CLSTN2: variants seen among roughly 807,000 people sequenced by gnomAD.
The protein encoded by CLSTN2 is calsyntenin-2.
CLSTN2 carries 48 observed loss-of-function variants against 101.2 expected under a neutral mutation model. The observed-to-expected ratio is 0.47, with a 90% CI of 0.38 to 0.60. CLSTN2 has a LOEUF of 0.60. Ranked by LOEUF, CLSTN2 falls within the 20% of genes least tolerant of loss-of-function variation. CLSTN2 has a pLI of 0.00. For synonymous variants in CLSTN2, 481 were observed against 463.6 expected, an observed-to-expected ratio of 1.04 and a Z score of -0.48; for missense variants, 1,160 against 1,238.2, an observed-to-expected ratio of 0.94 and a Z score of 0.95.
At chr3:140,216,200 C>T (rs766784884) in intron 2 of CLSTN2, among the ~76,000 whole-genome samples, 3 of 152,128 alleles carry the variant, frequency 2.0e-5, no homozygotes, top group Admixed American at 6.5e-5. Context: ...TGTTTCATCC[C>T]GAAACAACCC....
intron 1 of CLSTN2, among the ~76,000 whole-genome samples, chr3:139,968,649 A>G (rs1010265435): frequency 2.0e-5 from 3 of 152,192 alleles, no homozygotes; most frequent in African/African-American, 7.2e-5. Context: ...TACATTACCC[A>G]GTTTGTGGTA....
At position 140,567,510 on chromosome 3, in the gene CLSTN2, A is replaced by T. The variant is rs1985324500; in HGVS notation, c.*1257A>T. On this transcript the variant is annotated 3_prime_UTR_variant, in exon 17 of 17. Coordinates refer to ENST00000458420, the MANE Select transcript of CLSTN2 (RefSeq NM_022131.3). ...TAATTTCTTTCTTTTTTTGATAAGG[A>T]AATCTTTTCCATCTCCATCCTAACA... is the stretch of plus-strand genomic sequence containing the variant. 1 of 152,202 alleles carries T rather than the reference A, an allele frequency of 6.6e-6. No individual in the cohort carries two copies. The allele number at this position is 152,202 out of a possible 1,614,324, so 9.4% of individuals were successfully genotyped here.
At chr3:140,062,465 C>A (rs1576413923) in intron 1 of CLSTN2, among the ~76,000 whole-genome samples, 3 of 152,180 alleles carry the variant, frequency 2.0e-5, no homozygotes, top group Non-Finnish European at 4.4e-5. Context: ...GCCTCCTCAC[C>A]CTTTTGTGTG....
intron 2 of CLSTN2, among the ~76,000 whole-genome samples, chr3:140,239,020 T>G (rs1242883078): frequency 6.6e-6 from 1 of 152,094 alleles, no homozygotes; most frequent in Non-Finnish European, 1.5e-5. Flanking sequence ...AAGTGACACA[T>G]GGAAATAATA....
intron 2 of CLSTN2, among the ~76,000 whole-genome samples, chr3:140,177,578 C>T (rs1407320280): frequency 6.6e-6 from 1 of 151,992 alleles, no homozygotes; most frequent in Non-Finnish European, 1.5e-5. Flanking sequence ...TCATTTGAGG[C>T]CAGAAGTTCA....
intron 1 of CLSTN2, among the ~76,000 whole-genome samples, chr3:140,026,868 C>A (rs899152922): frequency 6.6e-6 from 1 of 152,206 alleles, no homozygotes; most frequent in Non-Finnish European, 1.5e-5. Context: ...CTGGGGTGGT[C>A]ACTTTTCCTC....
intron 5 of CLSTN2, among the ~76,000 whole-genome samples, chr3:140,430,756 C>T (rs1362246521): frequency 6.6e-6 from 1 of 152,128 alleles, no homozygotes; most frequent in East Asian, 1.9e-4. Context: ...TGTAACAGTC[C>T]AAAGCAAAGT....
chr3:140,458,341 A>C (rs933288296), intron 6 of CLSTN2, among the ~76,000 whole-genome samples: 1 of 152,034 alleles, frequency 6.6e-6, no homozygotes, highest in Admixed American at 6.6e-5. Context: ...CCATATGAGG[A>C]AACAGCCCCC....
chr3:140,334,687 C>T (rs1045919637), intron 2 of CLSTN2, among the ~76,000 whole-genome samples: 2 of 152,150 alleles, frequency 1.3e-5, no homozygotes, highest in African/African-American at 4.8e-5. Context: ...ACTAATTTAT[C>T]CCAGAGCAAT....
intron 2 of CLSTN2, among the ~76,000 whole-genome samples, chr3:140,375,178 C>G (rs1227052486): frequency 6.6e-6 from 1 of 152,150 alleles, no homozygotes; most frequent in Non-Finnish European, 1.5e-5. Context: ...GTTGAGAGGA[C>G]CAGATGATCT....
At chr3:140,101,760 T>A (rs1296204843) in intron 1 of CLSTN2, among the ~76,000 whole-genome samples, 1 of 152,186 alleles carries the variant, frequency 6.6e-6, no homozygotes, top group Middle Eastern at 3.2e-3. Context: ...ATCTTATAAC[T>A]ATGTCATCTG....
At chr3:139,975,534 T>G (rs951907051) in intron 1 of CLSTN2, among the ~76,000 whole-genome samples, 1 of 152,172 alleles carries the variant, frequency 6.6e-6, no homozygotes, top group African/African-American at 2.4e-5. Context: ...GAGAGGCTGA[T>G]GGAGGCATCA....
Position 140,376,852 on chromosome 3 carries a change from T to C in CLSTN2, c.233-26777T>C, listed in dbSNP as rs117880414. On this transcript the variant is annotated intron_variant, in intron 2 of 16. Coordinates refer to ENST00000458420, the MANE Select transcript of CLSTN2 (RefSeq NM_022131.3). ...GTATTGTTCTTCTATCAGTTTGTCT[T>C]GATGAAGTCTTAAAGTGAGCAAGAG... is the stretch of plus-strand genomic sequence containing the variant. Among the ~76,000 whole-genome samples, 19 of 152,312 alleles carry C rather than the reference T, an allele frequency of 1.2e-4. No homozygotes were observed. In the East Asian group the frequency reaches 3.5e-3, roughly 28 times the overall value.
intron 1 of CLSTN2, among the ~76,000 whole-genome samples, chr3:140,063,692 T>C (rs1388463918): frequency 6.6e-6 from 1 of 152,192 alleles, no homozygotes; most frequent in Non-Finnish European, 1.5e-5. Context: ...TCCTCTGACA[T>C]AGGAATGTCT....
At chr3:139,955,370 C>T (rs1935374588) in intron 1 of CLSTN2, among the ~76,000 whole-genome samples, 1 of 151,790 alleles carries the variant, frequency 6.6e-6, no homozygotes, top group South Asian at 2.1e-4. Context: ...TGCAGTAAGC[C>T]TGAGGATATA....
chr3:140,088,492 A>G (rs928274630), intron 1 of CLSTN2, among the ~76,000 whole-genome samples: 2 of 112,296 alleles, frequency 1.8e-5, no homozygotes, highest in Admixed American at 1.7e-4. Context: ...TCCCATCCCA[A>G]CCCCATTTCA....
At chr3:140,544,860 CT>C (rs372799815) in intron 9 of CLSTN2, among the ~76,000 whole-genome samples, 33 of 152,106 alleles carry the variant, frequency 2.2e-4, no homozygotes, top group African/African-American at 4.8e-4. Context: ...CCTTGAAGAA[CT>C]CTGAGATTTG....
At chr3:140,257,441 C>T (rs1416129311) in intron 2 of CLSTN2, among the ~76,000 whole-genome samples, 5 of 152,100 alleles carry the variant, frequency 3.3e-5, no homozygotes, top group African/African-American at 1.2e-4. Context: ...ACAGCATCTT[C>T]TTCTATCTTA....
rs905702284 is a variant in CLSTN2 at position 139,996,420 on chromosome 3, C to T, written c.109+60937C>T. Among the ~76,000 whole-genome samples, 14 of 152,200 alleles carry T rather than the reference C, an allele frequency of 9.2e-5. 1 individual carries two copies. The East Asian group carries it at 1.4e-3, about 15-fold the overall frequency. Reference sequence around the variant, plus strand: ...TTTTGTTTTTTTTGAGACGGAGTCTCGCTCTGTCGCCCAGGCTGGAGTACA... The same window carrying T: ...TTTTGTTTTTTTTGAGACGGAGTCTTGCTCTGTCGCCCAGGCTGGAGTACA... On this transcript the variant is annotated intron_variant, in intron 1 of 16. Transcript: ENST00000458420.
Sources: gnomAD v4.1 joint callset for allele counts (sites outside exome capture counted in the v4.1 genomes callset) on GRCh38, gnomAD v4.1.1 for gene constraint, MANE v1.5 for transcripts, NCBI Gene and HGNC (gene_info 2026-07-23, HGNC 2026-07-21) for gene names.